CDH13: variants seen among roughly 807,000 people sequenced by gnomAD.
CDH13 encodes the protein cadherin 13, also known as cadherin-13.
Under a neutral mutation model 63.8 loss-of-function variants are expected in CDH13, and 24 were observed. The observed-to-expected ratio is 0.38, with a 90% CI of 0.27 to 0.53. CDH13 has a LOEUF of 0.53. CDH13 is among the 20% of genes least tolerant of loss of function. CDH13 has a pLI of 0.85. For synonymous variants in CDH13, 503 were observed against 355.3 expected (o/e 1.42, Z -4.67); for missense variants, 1,049 against 903.1 (o/e 1.16, Z -2.07).
At chr16:83,602,358 G>T in intron 7 of CDH13, 96 bp from the exon 8 acceptor site, 2 of 1,190,572 alleles carry the variant, frequency 1.7e-6, no homozygotes, top group South Asian at 1.2e-5. Flanking sequence ...AGATGGAGGA[G>T]GGGGAGAGAC....
At chr16:83,261,783 C>G (rs1437737647) in intron 5 of CDH13, among the ~76,000 whole-genome samples, 2 of 151,752 alleles carry the variant, frequency 1.3e-5, no homozygotes, top group Admixed American at 1.3e-4. Flanking sequence ...AGCTTGAACC[C>G]AGATCTGTGG....
chr16:82,742,015 T>G (rs1458850295), intron 1 of CDH13, among the ~76,000 whole-genome samples: 1 of 152,122 alleles, frequency 6.6e-6, no homozygotes, highest in Non-Finnish European at 1.5e-5. Flanking sequence ...AGGAAAAAAT[T>G]GAAACACTCT....
chr16:83,175,947 G>C (rs1229741668), intron 4 of CDH13, among the ~76,000 whole-genome samples: 1 of 148,714 alleles, frequency 6.7e-6, no homozygotes, highest in Admixed American at 6.8e-5. Context: ...TCCTGCCTCA[G>C]CCTCCCAAGT....
rs577498324 is a variant in CDH13, at chr16:83,347,879, C to A, written c.781+2873C>A. Among the ~76,000 whole-genome samples, 7 of 152,274 alleles carry A rather than the reference C, an allele frequency of 4.6e-5. No homozygotes were observed. In the East Asian group the frequency reaches 1.4e-3, roughly 29 times the overall value. On this transcript the variant is annotated intron_variant, in intron 6 of 13. Transcript: ENST00000567109. ...ACAATAGCCCGCATTTCTTCCTGGG[C>A]CTTGTGTGAGCTACAAGAAACCCAA... is the stretch of plus-strand genomic sequence containing the variant.
intron 8 of CDH13, among the ~76,000 whole-genome samples, chr16:83,621,589 C>G (rs1357085371): frequency 7.2e-6 from 1 of 138,632 alleles, no homozygotes; most frequent in African/African-American, 2.7e-5. Flanking sequence ...TAGGTTCAAG[C>G]GATTCTCCTG....
At chr16:83,515,810 A>T (rs117109164) in intron 7 of CDH13, among the ~76,000 whole-genome samples, 1 of 152,228 alleles carries the variant, frequency 6.6e-6, no homozygotes, top group South Asian at 2.1e-4. Flanking sequence ...AATAAAATTA[A>T]TAAGTTGTTT....
chr16:82,783,103 G>T (rs1424139476), intron 1 of CDH13, among the ~76,000 whole-genome samples: 1 of 152,174 alleles, frequency 6.6e-6, no homozygotes, highest in Non-Finnish European at 1.5e-5. Context: ...GTGAGCAAAC[G>T]TTCCATTCCG....
chr16:82,744,720 C>T (rs368050291), intron 1 of CDH13, among the ~76,000 whole-genome samples: 65 of 152,294 alleles, frequency 4.3e-4, no homozygotes, highest in East Asian at 7.7e-4. Context: ...GCAGTGAATA[C>T]TTCTATACAC....
intron 5 of CDH13, among the ~76,000 whole-genome samples, chr16:83,270,754 G>C (rs2088778921): frequency 6.6e-6 from 1 of 152,038 alleles, no homozygotes; most frequent in African/African-American, 2.4e-5. Flanking sequence ...CTCATGATAA[G>C]AATTATTTAC....
chr16:83,206,974 A>G, intron 4 of CDH13, among the ~76,000 whole-genome samples: 1 of 152,254 alleles, frequency 6.6e-6, no homozygotes, highest in East Asian at 1.9e-4. Flanking sequence ...AGACTAAAAT[A>G]CTTCGGAATG....
At chr16:83,361,910 G>A (rs74318409) in intron 6 of CDH13, among the ~76,000 whole-genome samples, 12,726 of 152,048 alleles carry the variant, frequency 0.084, 734 homozygotes, top group Non-Finnish European at 0.13. Context: ...GCTATTTGGG[G>A]TATTTTTTGG....
At chr16:83,706,079 A>T (rs1337746977) in intron 10 of CDH13, among the ~76,000 whole-genome samples, 1 of 152,144 alleles carries the variant, frequency 6.6e-6, no homozygotes, top group Non-Finnish European at 1.5e-5. Flanking sequence ...CTGTGCCTCA[A>T]TGTCTGAGGC....
intron 1 of CDH13, among the ~76,000 whole-genome samples, chr16:82,709,703 TG>T (rs113822992): frequency 6.4e-4 from 98 of 152,300 alleles, no homozygotes; most frequent in African/African-American, 2.2e-3. Flanking sequence ...GAGCTTAGCT[TG>T]TTTAACCTGG....
chr16:83,718,475 G>T (rs73252703), intron 10 of CDH13, among the ~76,000 whole-genome samples: 18,745 of 152,206 alleles, frequency 0.12, 1,421 homozygotes, highest in African/African-American at 0.21. Context: ...GATTGGGGTT[G>T]CTACCTCTAT....
chr16:83,587,951 T>TC lies in CDH13; in HGVS notation c.961-14503_961-14502insC, dbSNP rs532032629. Among the ~76,000 whole-genome samples, 584 of 152,054 alleles carry TC rather than the reference T, an allele frequency of 3.8e-3. 3 individuals carry two copies. The highest frequency in any genetic ancestry group is 6.4e-3 in the Non-Finnish European group (438 of 67,956). ...AGCAACATTCTCTTATACCTCTTTT[T>TC]TTTTTTTTTGAAAGATCATTTCCGT... On this transcript the variant is annotated intron_variant, in intron 7 of 13. Coordinates refer to ENST00000567109, the MANE Select transcript of CDH13 (RefSeq NM_001257.5).
At chr16:82,838,021 C>T (rs977369939) in intron 1 of CDH13, among the ~76,000 whole-genome samples, 32 of 152,200 alleles carry the variant, frequency 2.1e-4, no homozygotes, top group African/African-American at 7.0e-4. Flanking sequence ...TCTCTGGCTT[C>T]ATCCCCAGTA....
intron 2 of CDH13, among the ~76,000 whole-genome samples, chr16:82,997,787 A>G (rs1269373731): frequency 2.0e-5 from 3 of 152,140 alleles, no homozygotes; most frequent in Admixed American, 6.5e-5. Context: ...TTCTGTCACA[A>G]CATTAAATAT....
intron 2 of CDH13, among the ~76,000 whole-genome samples, chr16:82,893,209 G>A (rs573734365): frequency 2.0e-5 from 3 of 152,332 alleles, no homozygotes; most frequent in African/African-American, 7.2e-5. Flanking sequence ...CAAAGGAAAA[G>A]TCTCAGTTTT....
intron 11 of CDH13, among the ~76,000 whole-genome samples, chr16:83,752,184 A>G (rs948347168): frequency 3.9e-5 from 6 of 152,274 alleles, no homozygotes; most frequent in African/African-American, 1.4e-4. Context: ...AAGAATGTCA[A>G]GAAGCATGGA....
Sources: allele counts gnomAD v4.1 joint callset (sites outside exome capture counted in the v4.1 genomes callset), GRCh38; gene constraint gnomAD v4.1.1; transcripts MANE v1.5; gene names NCBI Gene and HGNC (gene_info 2026-07-23, HGNC 2026-07-21).